FANCA: variants seen among roughly 807,000 people sequenced by gnomAD.
FANCA encodes the protein FA complementation group A.
A neutral mutation model predicts 194.3 loss-of-function variants in FANCA; 236 were observed. The ratio of observed to expected loss-of-function variants is 1.21; its 90% CI spans 1.09 to 1.35. FANCA has a LOEUF of 1.35. FANCA is among the 40% of genes most tolerant of loss of function. FANCA has a pLI of 0.00. For missense variants in FANCA, 2,628 were observed against 1,813.9 expected, an observed-to-expected ratio of 1.45 and a Z score of -8.15; for synonymous variants, 1,014 against 715.8, an observed-to-expected ratio of 1.42 and a Z score of -6.65.
intron 12 of FANCA, among the ~76,000 whole-genome samples, 171 bp from the exon 13 acceptor site, chr16:89,792,239 C>G (rs986903206): frequency 9.9e-5 from 15 of 152,280 alleles, no homozygotes; most frequent in African/African-American, 3.4e-4. Context: ...CTCACAGTGG[C>G]CAGCACCTGC....
chr16:89,770,101 G>T, intron 25 of FANCA, 65 bp downstream of exon 25: 1 of 1,574,762 alleles, frequency 6.4e-7, no homozygotes, highest in Non-Finnish European at 8.6e-7. Context: ...AAGACGAATT[G>T]AGAAGTAGCA....
chr16:89,782,251 C>T (rs920500546), intron 17 of FANCA, among the ~76,000 whole-genome samples: 2 of 152,022 alleles, frequency 1.3e-5, no homozygotes, highest in Non-Finnish European at 1.5e-5. Context: ...GTGGCGGGCG[C>T]CTGTAATCCC....
At position 89,798,706 on chromosome 16, in the gene FANCA, A is replaced by C. The variant is rs113345977; in HGVS notation, c.893+460T>G. ...TGGAGAGAAAAAGCTAATAGGGCCA[A>C]GCTTTGCCTACTGGTGAATCTGAGC... is the stretch of plus-strand genomic sequence containing the variant. On this transcript the variant is annotated intron_variant, in intron 10 of 42. Coordinates refer to ENST00000389301, the MANE Select transcript of FANCA (RefSeq NM_000135.4). 8.4e-6 allele frequency: 11 copies of C among 1,310,238 alleles called. No homozygotes were observed. The African/African-American group carries it at 1.0e-4, about 12-fold the overall frequency. The allele number at this position is 1,310,238 out of a possible 1,614,324, so 81.2% of individuals were successfully genotyped here.
At chr16:89,795,825 C>T in intron 11 of FANCA, 81 bp downstream of exon 11, 1 of 997,272 alleles carries the variant, frequency 1.0e-6, no homozygotes, top group Non-Finnish European at 1.6e-6. Context: ...CCTGGCATCT[C>T]CAGTCAGCGT....
intron 22 of FANCA, 60 bp from the exon 23 acceptor site, chr16:89,771,874 G>A (rs995950615): frequency 6.3e-6 from 10 of 1,599,018 alleles, no homozygotes; most frequent in East Asian, 4.5e-5. Flanking sequence ...ATACAGCTGC[G>A]GCCTAGAGAG....
intron 11 of FANCA, 190 bp from the exon 12 acceptor site, chr16:89,792,737 G>A: frequency 1.8e-6 from 1 of 557,516 alleles, no homozygotes; most frequent in Non-Finnish European, 3.3e-6. Context: ...TACCATCAAT[G>A]CGCGGAGACC....
intron 8 of FANCA, among the ~76,000 whole-genome samples, chr16:89,803,053 A>C (rs1480768774): frequency 6.6e-6 from 1 of 152,234 alleles, no homozygotes; most frequent in East Asian, 1.9e-4. Flanking sequence ...TGTTGCCAAC[A>C]CACAGAAATG....
chr16:89,739,052 C>G (rs984178125), intron 41 of FANCA, 78 bp from the exon 42 acceptor site: 4 of 1,613,986 alleles, frequency 2.5e-6, no homozygotes, highest in Non-Finnish European at 8.5e-7. Flanking sequence ...AGTCTGCATG[C>G]TGTGCCGGAA....
chr16:89,742,885 G>C lies in FANCA; in HGVS notation c.3680C>G (p.Ala1227Gly), dbSNP rs895779354. Residue 1227 changes from alanine to glycine, a missense_variant, in exon 37 of 43, where the codon GCT becomes GGT. Physicochemically the swap from Ala to Gly is moderately conservative, Grantham distance 60. Transcript: ENST00000389301. ...SPAPNPDWLS[A>G]AALHFAIQQV... ...TTGAATCGCAAAGTGCAGTGCAGCA[G>C]CTGAGAGCCAGTCCGGGTTGGGTGC... is the stretch of plus-strand genomic sequence containing the variant. 1 of 1,614,068 alleles carries C rather than the reference G, an allele frequency of 6.2e-7. No homozygotes were observed. Among genetic ancestry groups the C allele is most frequent in the Non-Finnish European group, 8.5e-7 (1 of 1,180,046 alleles).
intron 20 of FANCA, among the ~76,000 whole-genome samples, chr16:89,778,097 G>A (rs2039571070): frequency 6.7e-6 from 1 of 149,422 alleles, no homozygotes; most frequent in African/African-American, 2.5e-5. Context: ...AGGAGGTGGA[G>A]GGTGCAGTGA....
intron 22 of FANCA, 24 bp downstream of exon 22, chr16:89,773,247 G>A (rs2039385124): frequency 1.3e-6 from 2 of 1,517,652 alleles, no homozygotes; most frequent in African/African-American, 1.4e-5. Context: ...ATGAGACACA[G>A]CATGAGCTCC....
chr16:89,784,269 C>G (rs60828994), intron 15 of FANCA, among the ~76,000 whole-genome samples: 68,194 of 151,508 alleles, frequency 0.45, 17,619 homozygotes, highest in East Asian at 0.76. Flanking sequence ...CTACTCAGGA[C>G]GCTGAGGTGG....
At chr16:89,749,953 A>G in intron 31 of FANCA, 51 bp from the exon 32 acceptor site, 1 of 1,605,754 alleles carries the variant, frequency 6.2e-7, no homozygotes, top group Non-Finnish European at 8.5e-7. Flanking sequence ...CTCACTGCCC[A>G]GCCAGTCGGG....
intron 30 of FANCA, among the ~76,000 whole-genome samples, chr16:89,753,413 C>T (rs1221280595): frequency 3.3e-5 from 5 of 152,186 alleles, no homozygotes; most frequent in Admixed American, 6.6e-5. Context: ...CTCTCATCGC[C>T]GCACACAGGG....
At chr16:89,750,455 A>T (rs1247063733) in intron 31 of FANCA, among the ~76,000 whole-genome samples, 2 of 150,106 alleles carry the variant, frequency 1.3e-5, no homozygotes, top group Non-Finnish European at 3.0e-5. Flanking sequence ...TGCACTTCAG[A>T]CTGGGCAACA....
intron 15 of FANCA, 63 bp downstream of exon 15, chr16:89,784,791 G>C: frequency 1.5e-6 from 2 of 1,309,376 alleles, no homozygotes; most frequent in Non-Finnish European, 2.2e-6. Context: ...GGCCAAGGCA[G>C]TCCTCAGATG....
At chr16:89,782,737 C>T (rs1598136147) in intron 17 of FANCA, 122 bp downstream of exon 17, 13 of 864,750 alleles carry the variant, frequency 1.5e-5, no homozygotes, top group East Asian at 1.3e-4. Flanking sequence ...CAGCTGCGCC[C>T]GAGGCAAGAC....
chr16:89,773,174 C>A (rs991331775), intron 22 of FANCA, 97 bp downstream of exon 22: 3 of 958,516 alleles, frequency 3.1e-6, no homozygotes, highest in Admixed American at 4.0e-5. Flanking sequence ...GGAAGACACA[C>A]CAGCCTGATG....
chr16:89,756,960 C>T (rs554282608), intron 30 of FANCA, among the ~76,000 whole-genome samples: 9 of 152,136 alleles, frequency 5.9e-5, no homozygotes, highest in Admixed American at 3.3e-4. Context: ...TGAATCTAAC[C>T]GCTGGATTTA....
Sources: allele counts gnomAD v4.1 joint callset (sites outside exome capture counted in the v4.1 genomes callset), GRCh38; gene constraint gnomAD v4.1.1; transcripts MANE v1.5; gene names NCBI Gene and HGNC (gene_info 2026-07-23, HGNC 2026-07-21).